The following EEFSEC variants were observed in gnomAD, a reference collection of about 807,000 sequenced individuals.
EEFSEC encodes the protein selenocysteine-specific elongation factor.
In EEFSEC, 43 loss-of-function variants were observed where a neutral mutation model predicts 42.1. That is an observed-to-expected ratio of 1.02 (90% CI 0.80 to 1.32). The LOEUF (loss-of-function observed/expected upper bound fraction) is 1.32. Ranked by LOEUF, EEFSEC falls within the 40% of genes most tolerant of loss-of-function variation. The pLI is 0.00. For missense variants in EEFSEC, 745 were observed against 803.6 expected, an observed-to-expected ratio of 0.93 and a Z score of 0.88; for synonymous variants, 354 against 339.1, an observed-to-expected ratio of 1.04 and a Z score of -0.48.
At chr3:128,287,395 C>A (rs1226818828) in intron 4 of EEFSEC, among the ~76,000 whole-genome samples, 1 of 152,134 alleles carries the variant, frequency 6.6e-6, no homozygotes, top group Non-Finnish European at 1.5e-5. Context: ...ACAAACTGTA[C>A]TAAATGGGAG....
At chr3:128,287,390 CTG>C (rs2066597275) in intron 4 of EEFSEC, among the ~76,000 whole-genome samples, 1 of 152,254 alleles carries the variant, frequency 6.6e-6, no homozygotes, top group South Asian at 2.1e-4. Context: ...GCATGACAAA[CTG>C]TACTAAATGG....
At chr3:128,339,174 G>A (rs536775184) in intron 4 of EEFSEC, among the ~76,000 whole-genome samples, 14 of 152,242 alleles carry the variant, frequency 9.2e-5, no homozygotes, top group Admixed American at 9.2e-4. Context: ...ATTGATCTTG[G>A]CTGTGGCTTT....
chr3:128,399,442 C>T (rs1323777620), intron 6 of EEFSEC, among the ~76,000 whole-genome samples: 2 of 152,252 alleles, frequency 1.3e-5, no homozygotes, highest in Non-Finnish European at 1.5e-5. Flanking sequence ...GCTCCGCCGC[C>T]TGCTTCCCCC....
intron 2 of EEFSEC, among the ~76,000 whole-genome samples, chr3:128,255,313 C>T (rs756261541): frequency 3.9e-5 from 6 of 152,122 alleles, no homozygotes; most frequent in Non-Finnish European, 7.4e-5. Context: ...ATGGGGTTGT[C>T]AGGGAGGAGG....
chr3:128,392,358 G>T (rs1702134), intron 6 of EEFSEC, among the ~76,000 whole-genome samples: 25,168 of 152,252 alleles, frequency 0.17, 2,310 homozygotes, highest in African/African-American at 0.23. Flanking sequence ...GTTCCTCACC[G>T]GGGAGCAGGG....
chr3:128,177,021 G>C (rs1382424187), intron 1 of EEFSEC, among the ~76,000 whole-genome samples: 1 of 147,024 alleles, frequency 6.8e-6, no homozygotes, highest in East Asian at 2.0e-4. Flanking sequence ...TTTTGAGACA[G>C]AGTCTCGCTC....
chr3:128,348,261 T>C (rs1389226791), intron 5 of EEFSEC, among the ~76,000 whole-genome samples: 1 of 134,906 alleles, frequency 7.4e-6, no homozygotes, highest in Non-Finnish European at 1.5e-5. Context: ...TGCGTGTGTG[T>C]GTGTGTGTGC....
At chr3:128,171,985 T>G (rs2065303923) in intron 1 of EEFSEC, among the ~76,000 whole-genome samples, 1 of 152,236 alleles carries the variant, frequency 6.6e-6, no homozygotes, top group Non-Finnish European at 1.5e-5. Context: ...TATGGGAGGA[T>G]ATGCATAAGT....
intron 4 of EEFSEC, among the ~76,000 whole-genome samples, chr3:128,313,088 A>G (rs899265914): frequency 2.0e-5 from 3 of 152,180 alleles, no homozygotes; most frequent in Admixed American, 6.5e-5. Context: ...GATGAGGATG[A>G]CCATGGGAAG....
chr3:128,166,304 A>G (rs770748163), intron 1 of EEFSEC, among the ~76,000 whole-genome samples: 44 of 152,154 alleles, frequency 2.9e-4, no homozygotes, highest in Non-Finnish European at 5.9e-4. Flanking sequence ...CAGTGGCTTG[A>G]TCAGTACTTT....
intron 4 of EEFSEC, among the ~76,000 whole-genome samples, chr3:128,280,773 C>G (rs751820257): frequency 1.3e-5 from 2 of 152,234 alleles, no homozygotes; most frequent in East Asian, 3.8e-4. Flanking sequence ...ACCCTCACCC[C>G]CTTCTCCTTC....
intron 4 of EEFSEC, among the ~76,000 whole-genome samples, chr3:128,339,811 G>T (rs2067230915): frequency 6.6e-6 from 1 of 152,136 alleles, no homozygotes; most frequent in Non-Finnish European, 1.5e-5. Flanking sequence ...GTTCTGCGTG[G>T]CTGAGGAGGC....
intron 6 of EEFSEC, among the ~76,000 whole-genome samples, chr3:128,364,307 G>A (rs2067562394): frequency 6.6e-6 from 1 of 152,184 alleles, no homozygotes; most frequent in Admixed American, 6.5e-5. Flanking sequence ...CAGTCAGCAT[G>A]GCAAGTGGCC....
At chr3:128,416,073 A>G in the EEFSEC span, among the ~76,000 whole-genome samples, 1 of 152,168 alleles carries the variant, frequency 6.6e-6, no homozygotes, top group Non-Finnish European at 1.5e-5. Context: ...GCCTCCCACC[A>G]TGGACAGCTG....
chr3:128,399,589 G>A (rs981020776), intron 6 of EEFSEC, among the ~76,000 whole-genome samples: 1 of 151,842 alleles, frequency 6.6e-6, no homozygotes. Flanking sequence ...CCAAGGAGCC[G>A]GCCCCCCCCA....
At chr3:128,223,553 A>G (rs188536690) in intron 1 of EEFSEC, among the ~76,000 whole-genome samples, 26 of 152,342 alleles carry the variant, frequency 1.7e-4, no homozygotes, top group African/African-American at 6.3e-4. Context: ...TATGGTATAC[A>G]ACTTGTGATA....
intron 6 of EEFSEC, among the ~76,000 whole-genome samples, chr3:128,381,160 G>A (rs2067771654): frequency 1.3e-5 from 2 of 152,196 alleles, no homozygotes; most frequent in South Asian, 4.1e-4. Flanking sequence ...TGCTCCATGT[G>A]ATTTCCTGCT....
At chr3:128,295,394 A>G (rs1435280554) in intron 4 of EEFSEC, among the ~76,000 whole-genome samples, 1 of 149,514 alleles carries the variant, frequency 6.7e-6, no homozygotes, top group East Asian at 2.0e-4. Flanking sequence ...CGTATCTCAT[A>G]ACAGGAAACC....
intron 1 of EEFSEC, among the ~76,000 whole-genome samples, chr3:128,202,961 AT>A (rs1434214386): frequency 2.6e-5 from 4 of 152,110 alleles, no homozygotes; most frequent in South Asian, 2.1e-4. Flanking sequence ...ATACTGATTG[AT>A]TTTTTTGAAT....
Sources: gnomAD v4.1 joint callset for allele counts (sites outside exome capture counted in the v4.1 genomes callset) on GRCh38, gnomAD v4.1.1 for gene constraint, MANE v1.5 for transcripts, NCBI Gene and HGNC (gene_info 2026-07-23, HGNC 2026-07-21) for gene names.